The following CNNM4 variants were observed in gnomAD, a reference collection of about 807,000 sequenced individuals.
The protein encoded by CNNM4 is cyclin and CBS domain divalent metal cation transport mediator 4.
A neutral mutation model predicts 53.7 loss-of-function variants in CNNM4; 32 were observed. That is an observed-to-expected ratio of 0.60 (90% CI 0.45 to 0.80). The LOEUF is 0.80. Among genes scored for constraint, CNNM4 ranks in the 30% least tolerant of loss-of-function variants. The probability of loss-of-function intolerance (pLI) is 0.00; values close to 1 mark genes in which losing one functional copy is unlikely to be tolerated. For synonymous variants in CNNM4, 410 were observed against 440.0 expected (o/e 0.93, Z 0.85); for missense variants, 784 against 1,022.0 (o/e 0.77, Z 3.17).
At chr2:96,779,950 G>A (rs1478102371) in intron 1 of CNNM4, among the ~76,000 whole-genome samples, 6 of 151,858 alleles carry the variant, frequency 4.0e-5, no homozygotes, top group African/African-American at 1.5e-4. Flanking sequence ...CTACAGGCAC[G>A]TGCCACCACA....
chr2:96,781,099 C>T (rs561918778), intron 1 of CNNM4, among the ~76,000 whole-genome samples: 4 of 150,354 alleles, frequency 2.7e-5, no homozygotes, highest in Non-Finnish European at 4.4e-5. Context: ...CTGCCTCAGC[C>T]TCCCGAGTAG....
In CNNM4 at chr2:96,799,232, C is replaced by T; in HGVS notation, c.1851+6C>T. 6.2e-7 allele frequency: 1 copy of T among 1,614,132 alleles called. No individual in the cohort carries two copies. Among genetic ancestry groups the T allele is most frequent in the Non-Finnish European group, 8.5e-7 (1 of 1,180,006 alleles). On this transcript the variant is annotated splice_donor_region_variant and intron_variant, in intron 4 of 6. Coordinates refer to ENST00000377075, the MANE Select transcript of CNNM4 (RefSeq NM_020184.4). ...ACTTCATCCTCATCCTGCAGGTGAG[C>T]CCGCTCAGCCCTGGGCCTGCCACCT...
Position 96,809,465 on chromosome 2 carries a change from T to G in CNNM4, c.2276T>G (p.Leu759Arg). The G allele has an allele frequency of 6.2e-7, 1 of 1,614,160 alleles. No homozygotes were observed. The highest frequency in any genetic ancestry group is 1.7e-5 in the Admixed American group (1 of 60,028). ...LPVVDETTTL[L>R]NERNSLLHKA... ...GTGGTGGACGAGACCACAACTCTTC[T>G]CAACGAGCGTAACTCCTTGCTGCAC... The change falls in exon 7 of 7, where the codon CTC (leucine) becomes CGC (arginine). Residue 759 changes from leucine (L) to arginine (R), a missense_variant. This residue lies in a region of CNNM4 where 307 missense variants were observed against 376.3 expected (regional missense o/e 0.82). Transcript: ENST00000377075.
In CNNM4 at chr2:96,798,095, G is replaced by T. The variant is rs149911418; in HGVS notation, c.1681+448G>T. 3.3e-5 allele frequency among the ~76,000 whole-genome samples: 5 copies of T among 152,140 alleles called. No homozygotes were observed. The East Asian group carries it at 9.7e-4, about 29-fold the overall frequency. On this transcript the variant is annotated intron_variant, in intron 3 of 6. Coordinates refer to ENST00000377075, the MANE Select transcript of CNNM4 (RefSeq NM_020184.4). Reference sequence around the variant, plus strand: ...AGCTACTTGGGAGGCTATGAGGTGGGACAGTTGCATGTCTGTGGTCCCAGC... The same window carrying T: ...AGCTACTTGGGAGGCTATGAGGTGGTACAGTTGCATGTCTGTGGTCCCAGC...
At chr2:96,763,130 AG>A (rs2078781306) in intron 1 of CNNM4, among the ~76,000 whole-genome samples, 1 of 152,202 alleles carries the variant, frequency 6.6e-6, no homozygotes, top group Non-Finnish European at 1.5e-5. Context: ...ACTATTCAGC[AG>A]AAGCAAGCAG....
intron 5 of CNNM4, among the ~76,000 whole-genome samples, chr2:96,805,421 T>TTTG (rs2153350971): frequency 7.2e-6 from 1 of 138,886 alleles, no homozygotes; most frequent in East Asian, 2.0e-4. Context: ...CTTTTCAGTT[T>TTTG]TTTTTTTTTT....
intron 5 of CNNM4, among the ~76,000 whole-genome samples, chr2:96,805,418 G>GTTTTTTTTTTTTTTT (rs898761608): frequency 6.3e-3 from 475 of 75,652 alleles, no homozygotes; most frequent in East Asian, 0.014. Context: ...CTTCTTTTCA[G>GTTTTTTTTTTTTTTT]TTTTTTTTTT....
At chr2:96,781,040 A>G (rs1458948972) in intron 1 of CNNM4, among the ~76,000 whole-genome samples, 1 of 130,110 alleles carries the variant, frequency 7.7e-6, no homozygotes. Context: ...ATGCAGTGGC[A>G]CAATCTCGGC....
intron 5 of CNNM4, among the ~76,000 whole-genome samples, chr2:96,802,145 CACAG>C (rs2079165528): frequency 6.6e-6 from 1 of 151,722 alleles, no homozygotes; most frequent in Admixed American, 6.6e-5. Flanking sequence ...AGATACCACA[CACAG>C]ACACACACAG....
intron 5 of CNNM4, among the ~76,000 whole-genome samples, chr2:96,799,873 G>C (rs573405911): frequency 2.6e-5 from 4 of 152,216 alleles, no homozygotes; most frequent in Non-Finnish European, 4.4e-5. Context: ...GAAAAGAGGA[G>C]TGAGGGATTT....
chr2:96,799,711 C>T (rs903169018), intron 5 of CNNM4, 63 bp downstream of exon 5: 76 of 1,324,196 alleles, frequency 5.7e-5, no homozygotes, highest in East Asian at 1.0e-4. Flanking sequence ...AGCCATGGAC[C>T]GACACCAGAA....
In CNNM4 at chr2:96,762,174, T is replaced by C. The variant is rs2078770723; in HGVS notation, c.1175T>C (p.Leu392Pro). Residue 392 changes from leucine to proline, a missense_variant, in exon 1 of 7, where the codon CTG becomes CCG. Physicochemically the swap from Leu to Pro is moderately conservative, Grantham distance 98 (BLOSUM62 -3). Coordinates refer to ENST00000377075, the MANE Select transcript of CNNM4 (RefSeq NM_020184.4). ...DCFMIRSDAI[L>P]DFNTMSEIME... ...TTCATGATCCGCAGCGATGCCATCC[T>C]GGACTTCAACACCATGTCGGAGATA... The C allele has an allele frequency of 6.2e-7, 1 of 1,614,198 alleles. No homozygotes were observed. The highest frequency in any genetic ancestry group is 8.5e-7 in the Non-Finnish European group (1 of 1,180,038).
At position 96,781,840 on chromosome 2, in the gene CNNM4, T is replaced by A. The variant is rs1007720171; in HGVS notation, c.1403-15172T>A. On this transcript the variant is annotated intron_variant, in intron 1 of 6. Transcript: ENST00000377075. ...GCTGTTCTGGAACTCCTGGGAAGGC[T>A]TTCAAAGTTGATCATTTTGTATGAT... Among the ~76,000 whole-genome samples, 3 of 152,314 alleles carry A rather than the reference T, an allele frequency of 2.0e-5. No homozygotes were observed. The South Asian group carries it at 6.2e-4, about 32-fold the overall frequency.
intron 1 of CNNM4, among the ~76,000 whole-genome samples, chr2:96,779,210 G>A (rs1406421257): frequency 6.6e-6 from 1 of 152,028 alleles, no homozygotes; most frequent in Non-Finnish European, 1.5e-5. Context: ...CGCCCGCCTC[G>A]GCCTCCCAAA....
intron 1 of CNNM4, among the ~76,000 whole-genome samples, chr2:96,790,444 T>A (rs147952825): frequency 0.022 from 3,295 of 151,936 alleles, 59 homozygotes; most frequent in Non-Finnish European, 0.033. Flanking sequence ...AACCTCCACC[T>A]CCCAGATTCA....
At chr2:96,771,475 C>T (rs1019570329) in intron 1 of CNNM4, among the ~76,000 whole-genome samples, 4 of 152,100 alleles carry the variant, frequency 2.6e-5, no homozygotes, top group East Asian at 3.9e-4. Flanking sequence ...GAGGCCGAGG[C>T]GGGTGGATCA....
chr2:96,799,228 T>G lies in CNNM4; in HGVS notation c.1851+2T>G. 1 of 1,614,150 alleles carries G rather than the reference T, an allele frequency of 6.2e-7. No individual in the cohort carries two copies. Among genetic ancestry groups the G allele is most frequent in the Non-Finnish European group, 8.5e-7 (1 of 1,180,024 alleles). ...GACTACTTCATCCTCATCCTGCAGG[T>G]GAGCCCGCTCAGCCCTGGGCCTGCC... On this transcript the variant is annotated splice_donor_variant, in intron 4 of 6. Transcript: ENST00000377075. LOFTEE classifies it high-confidence loss of function.
chr2:96,791,905 G>A (rs2079065335), intron 1 of CNNM4, among the ~76,000 whole-genome samples: 2 of 151,772 alleles, frequency 1.3e-5, no homozygotes, highest in African/African-American at 4.8e-5. Flanking sequence ...TTGAGATGGA[G>A]TCACTCGCTC....
chr2:96,792,932 G>C (rs372097622), intron 1 of CNNM4, among the ~76,000 whole-genome samples: 4 of 152,188 alleles, frequency 2.6e-5, no homozygotes, highest in South Asian at 4.1e-4. Flanking sequence ...TAATTTCAAG[G>C]TATTAGTGAC....
Sources: gnomAD v4.1 joint callset for allele counts (sites outside exome capture counted in the v4.1 genomes callset) on GRCh38, gnomAD v4.1.1 for gene constraint, gnomAD v4.1.1 regional missense constraint, MANE v1.5 for transcripts, NCBI Gene and HGNC (gene_info 2026-07-23, HGNC 2026-07-21) for gene names.